The following SLC2A9 variants were observed in gnomAD, a reference collection of about 807,000 sequenced individuals.
The protein encoded by SLC2A9 is solute carrier family 2 member 9.
SLC2A9 carries 39 observed loss-of-function variants against 50.6 expected under a neutral mutation model. That is an observed-to-expected ratio of 0.77 (90% confidence interval 0.60 to 1.01). SLC2A9 has a LOEUF of 1.01. Among genes scored for constraint, SLC2A9 ranks in the 50% least tolerant of loss-of-function variants. The probability of loss-of-function intolerance (pLI) is 0.00; values close to 1 mark genes in which losing one functional copy is unlikely to be tolerated. For missense variants in SLC2A9, 686 were observed against 677.6 expected, an observed-to-expected ratio of 1.01 and a Z score of -0.14; for synonymous variants, 324 against 276.9, an observed-to-expected ratio of 1.17 and a Z score of -1.69.
chr4:9,939,484 A>G (rs1403848741), intron 6 of SLC2A9, among the ~76,000 whole-genome samples: 2 of 152,194 alleles, frequency 1.3e-5, no homozygotes, highest in Admixed American at 1.3e-4. Context: ...GCTAAGTAAT[A>G]AAGTGCATTT....
rs1195392190 is a variant in SLC2A9 at position 9,799,760 on chromosome 4, G to C, written n.421-519C>G. On this transcript the variant is annotated intron_variant and non_coding_transcript_variant, in intron 3 of 3. Coordinates refer to the SLC2A9 transcript ENST00000503280. ...TATGTAATCTCATGACCTACAGGTAGATTTGATAGATGGTGTTATGGTACC... is the reference window on the plus strand; with the variant it reads ...TATGTAATCTCATGACCTACAGGTACATTTGATAGATGGTGTTATGGTACC... 2.9e-4 allele frequency among the ~76,000 whole-genome samples: 39 copies of C among 132,360 alleles called. 1 individual carries two copies. 86.8% of individuals were successfully genotyped at this position (132,360 alleles called of 152,430 possible).
At chr4:9,807,254 G>A (rs1344274789) in intron 3 of SLC2A9, among the ~76,000 whole-genome samples, 1 of 152,074 alleles carries the variant, frequency 6.6e-6, no homozygotes, top group Non-Finnish European at 1.5e-5. Context: ...CCATGTCCCT[G>A]GCACACACCA....
At chr4:9,969,216 T>C (rs1434225439) in intron 5 of SLC2A9, among the ~76,000 whole-genome samples, 1 of 152,170 alleles carries the variant, frequency 6.6e-6, no homozygotes, top group African/African-American at 2.4e-5. Flanking sequence ...TTCAGTTACA[T>C]TTATGGATAT....
intron 10 of SLC2A9, among the ~76,000 whole-genome samples, chr4:9,844,172 A>T (rs1158609719): frequency 1.4e-5 from 2 of 146,804 alleles, no homozygotes; most frequent in African/African-American, 5.0e-5. Flanking sequence ...ATAATAAAAA[A>T]AAAAAAAAGT....
chr4:9,951,851 AT>A (rs1343347443), intron 5 of SLC2A9, among the ~76,000 whole-genome samples: 7 of 152,386 alleles, frequency 4.6e-5, no homozygotes, highest in African/African-American at 1.7e-4. Context: ...AGGACAGGAA[AT>A]TTACAAAAGA....
At chr4:9,962,044 G>T (rs4295260) in intron 5 of SLC2A9, among the ~76,000 whole-genome samples, 2,270 of 152,292 alleles carry the variant, frequency 0.015, 67 homozygotes, top group African/African-American at 0.051. Flanking sequence ...TCAGAATGGA[G>T]ATTATTAAAA....
chr4:9,782,898 A>C (rs374715955), intron 3 of SLC2A9: 1 of 1,613,862 alleles, frequency 6.2e-7, no homozygotes, highest in African/African-American at 1.3e-5. Flanking sequence ...TCCATCAAGA[A>C]GGAGACCAAG....
chr4:9,867,740 T>C (rs1369157410), intron 10 of SLC2A9, among the ~76,000 whole-genome samples: 2 of 152,212 alleles, frequency 1.3e-5, no homozygotes, highest in East Asian at 3.8e-4. Flanking sequence ...ACTGCCTGAC[T>C]GCCTGGGAGA....
chr4:10,001,809 C>A (rs371149130), intron 2 of SLC2A9, among the ~76,000 whole-genome samples: 1 of 152,222 alleles, frequency 6.6e-6, no homozygotes, highest in African/African-American at 2.4e-5. Flanking sequence ...GCCTTTTAGG[C>A]TCCCCAGCAT....
chr4:9,822,829 C>G (rs1392687377), downstream of SLC2A9, among the ~76,000 whole-genome samples: 1 of 151,916 alleles, frequency 6.6e-6, no homozygotes, highest in Non-Finnish European at 1.5e-5. Flanking sequence ...ACATTTTTTT[C>G]CCCCAAGGGC....
At chr4:9,910,596 C>G (rs995076944) in intron 7 of SLC2A9, among the ~76,000 whole-genome samples, 1 of 152,172 alleles carries the variant, frequency 6.6e-6, no homozygotes, top group Non-Finnish European at 1.5e-5. Flanking sequence ...TATTCACAGC[C>G]GTGGTTCTGA....
At chr4:9,918,853 G>A (rs776353136) in intron 7 of SLC2A9, among the ~76,000 whole-genome samples, 1 of 152,178 alleles carries the variant, frequency 6.6e-6, no homozygotes, top group South Asian at 2.1e-4. Context: ...AAAGATTGAA[G>A]ATCATCAACA....
chr4:9,932,553 C>A (rs1042288001), intron 6 of SLC2A9, among the ~76,000 whole-genome samples: 1 of 152,126 alleles, frequency 6.6e-6, no homozygotes, highest in African/African-American at 2.4e-5. Context: ...GCTATGGCAG[C>A]TGGGGGAGAT....
At chr4:9,777,288 T>C (rs1223504233), downstream of SLC2A9, among the ~76,000 whole-genome samples, 3 of 135,332 alleles carry the variant, frequency 2.2e-5, no homozygotes, top group Non-Finnish European at 4.8e-5. Flanking sequence ...CTTGCCCCCG[T>C]CTCTGTTTCT....
intron 10 of SLC2A9, among the ~76,000 whole-genome samples, chr4:9,840,100 A>T (rs922774433): frequency 1.4e-4 from 22 of 152,142 alleles, no homozygotes; most frequent in African/African-American, 4.8e-4. Context: ...AAGGTAAGTA[A>T]TTTTTTCAAG....
chr4:9,915,259 C>T (rs185536651), intron 7 of SLC2A9, among the ~76,000 whole-genome samples: 4 of 152,306 alleles, frequency 2.6e-5, no homozygotes, highest in South Asian at 2.1e-4. Context: ...TTATTTGAGA[C>T]GGAGTTTCGC....
intron 11 of SLC2A9, among the ~76,000 whole-genome samples, chr4:9,828,646 G>A (rs1005603834): frequency 2.6e-5 from 4 of 152,100 alleles, no homozygotes; most frequent in African/African-American, 7.2e-5. Flanking sequence ...AATAATCTTC[G>A]TTTAGGCCTC....
upstream of SLC2A9, chr4:10,025,936 C>A (rs747320416): frequency 1.2e-6 from 2 of 1,613,636 alleles, no homozygotes; most frequent in Non-Finnish European, 1.7e-6. Flanking sequence ...CTTTCTTCAT[C>A]TTCTCCTCGG....
At chr4:9,954,703 G>A (rs1267719251) in intron 5 of SLC2A9, among the ~76,000 whole-genome samples, 1 of 152,068 alleles carries the variant, frequency 6.6e-6, no homozygotes. Context: ...ACCTAGCCAG[G>A]ACCTACCATG....
Sources: allele counts gnomAD v4.1 joint callset (sites outside exome capture counted in the v4.1 genomes callset), GRCh38; gene constraint gnomAD v4.1.1; transcripts MANE v1.5; gene names NCBI Gene and HGNC (gene_info 2026-07-23, HGNC 2026-07-21).